Variants in PALM2AKAP2 observed in about 807,000 individuals in gnomAD.
The protein encoded by PALM2AKAP2 is PALM2-AKAP2 fusion protein.
A neutral mutation model predicts 71.5 loss-of-function variants in PALM2AKAP2; 37 were observed. The ratio of observed to expected loss-of-function variants is 0.52; its 90% CI spans 0.40 to 0.68. PALM2AKAP2 has a LOEUF of 0.68. Among genes scored for constraint, PALM2AKAP2 ranks in the 30% least tolerant of loss-of-function variants. The pLI is 0.00. For synonymous variants in PALM2AKAP2, 468 were observed against 478.8 expected, an observed-to-expected ratio of 0.98 and a Z score of 0.29; for missense variants, 1,224 against 1,191.8, an observed-to-expected ratio of 1.03 and a Z score of -0.40.
At chr9:109,669,912 AT>A (rs1265389697) in intron 1 of PALM2AKAP2, among the ~76,000 whole-genome samples, 4 of 150,340 alleles carry the variant, frequency 2.7e-5, no homozygotes, top group African/African-American at 9.8e-5. Context: ...TTTCATTTTC[AT>A]TCTTTTTTTT....
At chr9:109,706,482 T>G (rs1828146905) in intron 1 of PALM2AKAP2, among the ~76,000 whole-genome samples, 1 of 152,188 alleles carries the variant, frequency 6.6e-6, no homozygotes, top group Non-Finnish European at 1.5e-5. Flanking sequence ...GCAGCCACTT[T>G]GGAAAAAAGT....
chr9:110,136,503 G>A, exon 2 of PALM2AKAP2: 1 of 1,613,880 alleles, frequency 6.2e-7, no homozygotes, highest in South Asian at 1.1e-5. Flanking sequence ...CTGGTGGGCG[G>A]CCTAAGCCCC....
At chr9:110,166,791 C>T (rs75673639) in intron 3 of PALM2AKAP2, among the ~76,000 whole-genome samples, 1,674 of 152,260 alleles carry the variant, frequency 0.011, 28 homozygotes, top group African/African-American at 0.038. Context: ...GATGGACCCC[C>T]GATCTCCCAT....
intron 6 of PALM2AKAP2, among the ~76,000 whole-genome samples, chr9:109,963,297 A>C (rs1831885522): frequency 6.6e-6 from 1 of 152,232 alleles, no homozygotes; most frequent in African/African-American, 2.4e-5. Flanking sequence ...AGAGACAGGT[A>C]CTTCCTCGAG....
chr9:109,714,985 C>G (rs1411587880), intron 1 of PALM2AKAP2, among the ~76,000 whole-genome samples: 1 of 152,146 alleles, frequency 6.6e-6, no homozygotes, highest in African/African-American at 2.4e-5. Flanking sequence ...CCTACTGTGC[C>G]AGCCAATAAT....
At chr9:109,665,627 A>C (rs1827470514) in intron 1 of PALM2AKAP2, among the ~76,000 whole-genome samples, 1 of 152,202 alleles carries the variant, frequency 6.6e-6, no homozygotes, top group Non-Finnish European at 1.5e-5. Flanking sequence ...GGTGTCTCCC[A>C]GTTAGGCTAC....
chr9:109,879,190 A>G (rs1829786840), intron 2 of PALM2AKAP2, among the ~76,000 whole-genome samples: 1 of 152,202 alleles, frequency 6.6e-6, no homozygotes, highest in Admixed American at 6.5e-5. Flanking sequence ...TCTTTAGAAG[A>G]GTTCTTTCCT....
chr9:110,041,309 T>C (rs879297589), intron 7 of PALM2AKAP2, among the ~76,000 whole-genome samples: 3 of 146,880 alleles, frequency 2.0e-5, no homozygotes, highest in African/African-American at 7.6e-5. Flanking sequence ...TTTTTTTTTT[T>C]ATTAGTATAC....
At chr9:109,896,735 C>T (rs1166260481) in intron 3 of PALM2AKAP2, among the ~76,000 whole-genome samples, 1 of 152,010 alleles carries the variant, frequency 6.6e-6, no homozygotes, top group Non-Finnish European at 1.5e-5. Flanking sequence ...CACTTAAGTC[C>T]AGGAGTTTGA....
upstream of PALM2AKAP2, among the ~76,000 whole-genome samples, chr9:110,047,649 G>A (rs1043637377): frequency 6.6e-6 from 1 of 152,170 alleles, no homozygotes; most frequent in African/African-American, 2.4e-5. Context: ...TGGGAAAATC[G>A]TGCCTAGGGC....
chr9:109,999,750 C>G (rs1015077053), intron 6 of PALM2AKAP2, among the ~76,000 whole-genome samples: 1 of 152,232 alleles, frequency 6.6e-6, no homozygotes, highest in Admixed American at 6.5e-5. Flanking sequence ...CTGCCTAGGC[C>G]CTAATTTGTG....
At chr9:109,753,535 A>G (rs1371113265) in intron 1 of PALM2AKAP2, among the ~76,000 whole-genome samples, 1 of 152,168 alleles carries the variant, frequency 6.6e-6, no homozygotes, top group East Asian at 1.9e-4. Context: ...GACTTTCTCA[A>G]GATGTTTGCA....
At chr9:110,089,060 C>G (rs1212288526) in intron 1 of PALM2AKAP2, among the ~76,000 whole-genome samples, 1 of 152,088 alleles carries the variant, frequency 6.6e-6, no homozygotes, top group African/African-American at 2.4e-5. Flanking sequence ...TTTAAAAAAT[C>G]AGATCCTCAG....
intron 6 of PALM2AKAP2, among the ~76,000 whole-genome samples, chr9:109,957,076 A>T (rs1251236556): frequency 6.6e-6 from 1 of 152,210 alleles, no homozygotes; most frequent in Non-Finnish European, 1.5e-5. Flanking sequence ...TGTTCCTTTT[A>T]TAAGGATTGA....
chr9:109,886,676 C>G (rs972469261), intron 3 of PALM2AKAP2, among the ~76,000 whole-genome samples: 16 of 152,154 alleles, frequency 1.1e-4, no homozygotes, highest in Non-Finnish European at 2.1e-4. Flanking sequence ...TTCAGTGAGC[C>G]ATCTCTCGGG....
intron 2 of PALM2AKAP2, among the ~76,000 whole-genome samples, chr9:109,871,892 A>G (rs1019383001): frequency 2.8e-4 from 43 of 152,208 alleles, no homozygotes; most frequent in African/African-American, 8.9e-4. Flanking sequence ...CTTATACTTC[A>G]ATAGCATTAA....
At chr9:109,744,370 C>T (rs943118522) in intron 1 of PALM2AKAP2, among the ~76,000 whole-genome samples, 2 of 152,102 alleles carry the variant, frequency 1.3e-5, no homozygotes, top group African/African-American at 2.4e-5. Flanking sequence ...TGTCATACTC[C>T]AGGCAAAATG....
At chr9:110,076,278 C>T (rs977928075) in intron 1 of PALM2AKAP2, among the ~76,000 whole-genome samples, 22 of 151,570 alleles carry the variant, frequency 1.5e-4, no homozygotes, top group African/African-American at 2.9e-4. Context: ...AATATTCCAC[C>T]GAATTTTACC....
At chr9:110,064,059 T>C (rs1207766986) in intron 1 of PALM2AKAP2, among the ~76,000 whole-genome samples, 2 of 152,018 alleles carry the variant, frequency 1.3e-5, no homozygotes, top group East Asian at 3.9e-4. Context: ...CGGACCAAAG[T>C]GAAACACCCA....
Sources: gnomAD v4.1 joint callset for allele counts (sites outside exome capture counted in the v4.1 genomes callset) on GRCh38, gnomAD v4.1.1 for gene constraint, MANE v1.5 for transcripts, NCBI Gene and HGNC (gene_info 2026-07-23, HGNC 2026-07-21) for gene names.